VPS13A: variants seen among roughly 807,000 people sequenced by gnomAD.
The protein encoded by VPS13A is intermembrane lipid transfer protein VPS13A.
In VPS13A, 264 loss-of-function variants were observed where a neutral mutation model predicts 390.9. The ratio of observed to expected loss-of-function variants is 0.68; its 90% confidence interval spans 0.61 to 0.75. VPS13A has a LOEUF of 0.75. Among genes scored for constraint, VPS13A ranks in the 30% least tolerant of loss-of-function variants. VPS13A has a pLI of 0.00. For synonymous variants in VPS13A, 1,231 were observed against 1,227.1 expected (o/e 1.00, Z -0.07); for missense variants, 3,409 against 3,733.9 (o/e 0.91, Z 2.27).
chr9:77,307,124 T>C (rs1157283248), intron 34 of VPS13A, among the ~76,000 whole-genome samples: 1 of 152,004 alleles, frequency 6.6e-6, no homozygotes, highest in Non-Finnish European at 1.5e-5. Flanking sequence ...GGCTGTTCTC[T>C]TAACTCCTGG....
chr9:77,339,579 T>C lies in VPS13A; in HGVS notation c.6442T>C (p.Leu2148=), dbSNP rs2131505090. 2 of 1,599,350 alleles carry C rather than the reference T, an allele frequency of 1.3e-6. No homozygotes were observed. The highest frequency in any genetic ancestry group is 1.7e-6 in the Non-Finnish European group (2 of 1,171,452). Residue 2148 remains leucine, a synonymous_variant, in exon 48 of 72, where the codon TTG becomes CTG. Coordinates refer to ENST00000360280, the MANE Select transcript of VPS13A (RefSeq NM_033305.3). ...GHSAQICTAQ[L]GKARLHLKLL... ...TTCAGCCCAGATTTGTACTGCACAG[T>C]TGGGTAAAGCCAGGCTACATTTAAA...
At position 77,283,374 on chromosome 9, in the gene VPS13A, T is replaced by C; in HGVS notation, c.3138T>C (p.Asn1046=). 1 of 1,600,142 alleles carries C rather than the reference T, an allele frequency of 6.2e-7. No homozygotes were observed. The highest frequency in any genetic ancestry group is 1.1e-5 in the South Asian group (1 of 90,124). Residue 1046 remains asparagine, a synonymous_variant, in exon 30 of 72, where the codon AAT becomes AAC. Transcript: ENST00000360280. ...IKKLALKLST[N]EDIITLQILA... ...TTGCAGCTTTAAAACTATCCACAAA[T>C]GAAGATATCATTACTTTGCAGATTT... is the stretch of plus-strand genomic sequence containing the variant.
chr9:77,336,444 A>G (rs1280243592), intron 46 of VPS13A, among the ~76,000 whole-genome samples: 2 of 152,160 alleles, frequency 1.3e-5, no homozygotes, highest in African/African-American at 4.8e-5. Flanking sequence ...GCATCTATTG[A>G]CTACGTTTTA....
intron 68 of VPS13A, chr9:77,382,424 A>G (rs1833492863): frequency 1.4e-6 from 2 of 1,419,744 alleles, no homozygotes; most frequent in African/African-American, 1.5e-5. Flanking sequence ...GTAACTTTTA[A>G]TAGGAATTTT....
chr9:77,295,093 T>C (rs998971417), intron 32 of VPS13A, among the ~76,000 whole-genome samples: 3 of 151,986 alleles, frequency 2.0e-5, no homozygotes, highest in Non-Finnish European at 4.4e-5. Context: ...AGTATAAATA[T>C]AGATAATTAT....
At chr9:77,238,421 C>T in intron 19 of VPS13A, 35 bp downstream of exon 19, 1 of 1,430,596 alleles carries the variant, frequency 7.0e-7, no homozygotes, top group Non-Finnish European at 9.9e-7. Flanking sequence ...GAATTAAATA[C>T]TGTATCCTAT....
intron 68 of VPS13A, among the ~76,000 whole-genome samples, chr9:77,397,537 T>A (rs1834168606): frequency 6.6e-6 from 1 of 152,200 alleles, no homozygotes; most frequent in South Asian, 2.1e-4. Flanking sequence ...CTTTTCATAT[T>A]TTGCATTATT....
rs1471506162 is a variant in VPS13A, at chr9:77,337,556, A to C, written c.6378+19A>C. On this transcript the variant is annotated intron_variant, in intron 47 of 71. Coordinates refer to ENST00000360280, the MANE Select transcript of VPS13A (RefSeq NM_033305.3). ...TATAGAGGTATCGGCAAACTGATTT[A>C]GTGCCTTCCTGTTTTTGATTTTGTA... 1 of 1,603,328 alleles carries C rather than the reference A, an allele frequency of 6.2e-7. No homozygotes were observed. Among genetic ancestry groups the C allele is most frequent in the Admixed American group, 1.7e-5 (1 of 59,126 alleles).
chr9:77,410,318 C>T (rs1834857182), intron 71 of VPS13A, among the ~76,000 whole-genome samples: 1 of 151,998 alleles, frequency 6.6e-6, no homozygotes, highest in South Asian at 2.1e-4. Flanking sequence ...AAAGGAACAA[C>T]CGGTACCAGC....
rs528100225 is a variant in VPS13A at position 77,378,243 on chromosome 9, A to G, written c.9078-3733A>G. On this transcript the variant is annotated intron_variant, in intron 67 of 71. Transcript: ENST00000360280. ...TTGTGGAGCGTTGATGTTAATTAAA[A>G]AAAAAATTTGGAGAATTGATCAGTG... 1.4e-4 allele frequency among the ~76,000 whole-genome samples: 21 copies of G among 152,246 alleles called. No homozygotes were observed. In the East Asian group the frequency reaches 3.7e-3, roughly 27 times the overall value.
chr9:77,227,139 T>C (rs1477765561), intron 15 of VPS13A, among the ~76,000 whole-genome samples: 1 of 152,198 alleles, frequency 6.6e-6, no homozygotes, highest in Non-Finnish European at 1.5e-5. Flanking sequence ...TTGTCTAATA[T>C]AGTTAGCCGT....
chr9:77,408,352 C>T (rs1425772068), intron 71 of VPS13A, among the ~76,000 whole-genome samples: 1 of 152,224 alleles, frequency 6.6e-6, no homozygotes, highest in African/African-American at 2.4e-5. Flanking sequence ...CAGTCTACAG[C>T]TCCTAGTGTG....
At chr9:77,358,554 A>G in intron 57 of VPS13A, 116 bp downstream of exon 57, 2 of 862,336 alleles carry the variant, frequency 2.3e-6, no homozygotes, top group Non-Finnish European at 3.7e-6. Flanking sequence ...GGATAATTGG[A>G]AAATTAAACT....
intron 1 of VPS13A, among the ~76,000 whole-genome samples, chr9:77,185,053 G>C (rs1824249095): frequency 6.6e-6 from 1 of 151,974 alleles, no homozygotes; most frequent in Non-Finnish European, 1.5e-5. Flanking sequence ...TCAATCAGAA[G>C]CACAGATCAC....
chr9:77,333,654 C>T (rs1830397326), intron 46 of VPS13A, among the ~76,000 whole-genome samples: 1 of 151,840 alleles, frequency 6.6e-6, no homozygotes, highest in South Asian at 2.1e-4. Context: ...TCTAGGTATT[C>T]TTTTAATCTA....
At chr9:77,400,693 T>G (rs1308196552) in intron 68 of VPS13A, among the ~76,000 whole-genome samples, 1 of 151,340 alleles carries the variant, frequency 6.6e-6, no homozygotes, top group Non-Finnish European at 1.5e-5. Context: ...CCGGGCGTGG[T>G]GATGGGTGCC....
chr9:77,370,945 G>C lies in VPS13A; in HGVS notation c.8953+10G>C, dbSNP rs780709670. Reference sequence around the variant, plus strand: ...ACAAAACCAATCAAAGGCAAGTATAGTAGTTCCTTTGCAAGTCTTTCTAAG... The same window carrying C: ...ACAAAACCAATCAAAGGCAAGTATACTAGTTCCTTTGCAAGTCTTTCTAAG... On this transcript the variant is annotated intron_variant, in intron 66 of 71. Coordinates refer to ENST00000360280, the MANE Select transcript of VPS13A (RefSeq NM_033305.3). The C allele has an allele frequency of 6.8e-6, 11 of 1,613,988 alleles. No individual in the cohort carries two copies. The highest frequency in any genetic ancestry group is 1.1e-5 in the South Asian group (1 of 91,084).
chr9:77,402,047 G>T (rs1469673382), intron 68 of VPS13A, among the ~76,000 whole-genome samples: 1 of 152,148 alleles, frequency 6.6e-6, no homozygotes, highest in African/African-American at 2.4e-5. Context: ...CTGCAGATAA[G>T]GGAGAACTAC....
At chr9:77,227,554 A>T in intron 16 of VPS13A, 69 bp downstream of exon 16, 1 of 1,264,564 alleles carries the variant, frequency 7.9e-7, no homozygotes, top group Non-Finnish European at 1.1e-6. Context: ...ACAGGGTCTC[A>T]CTCTGTTGCC....
Sources: allele counts gnomAD v4.1 joint callset (sites outside exome capture counted in the v4.1 genomes callset), GRCh38; gene constraint gnomAD v4.1.1; transcripts MANE v1.5; gene names NCBI Gene and HGNC (gene_info 2026-07-23, HGNC 2026-07-21).